IQSEC3: variants seen among roughly 807,000 people sequenced by gnomAD.
IQSEC3 encodes IQ motif and SEC7 domain-containing protein 3.
In IQSEC3, 50 loss-of-function variants were observed where a neutral mutation model predicts 105.4. The observed-to-expected ratio is 0.47, with a 90% CI of 0.38 to 0.60. The LOEUF is 0.60. Ranked by LOEUF, IQSEC3 falls within the 20% of genes least tolerant of loss-of-function variation. The probability of loss-of-function intolerance (pLI) is 0.00; values close to 1 mark genes in which losing one functional copy is unlikely to be tolerated. For synonymous variants in IQSEC3, 708 were observed against 746.0 expected, an observed-to-expected ratio of 0.95 and a Z score of 0.83; for missense variants, 1,415 against 1,630.0, an observed-to-expected ratio of 0.87 and a Z score of 2.27.
At chr12:108,303 G>C (rs1205680824) in intron 2 of IQSEC3, among the ~76,000 whole-genome samples, 1 of 152,182 alleles carries the variant, frequency 6.6e-6, no homozygotes, top group Non-Finnish European at 1.5e-5. Context: ...CTACTCCATA[G>C]GCATATCTGG....
chr12:162,930 A>T (rs927304302), intron 8 of IQSEC3, among the ~76,000 whole-genome samples: 2 of 152,180 alleles, frequency 1.3e-5, no homozygotes, highest in Non-Finnish European at 1.5e-5. Context: ...GCTGGACTGG[A>T]ACAGCCTGCA....
At chr12:76,071 G>A (rs1555068959) in intron 1 of IQSEC3, among the ~76,000 whole-genome samples, 1 of 149,374 alleles carries the variant, frequency 6.7e-6, no homozygotes, top group African/African-American at 2.5e-5. Flanking sequence ...ACAAATCTCT[G>A]CAGTGAGAGT....
chr12:145,327 G>A (rs1246865503), intron 5 of IQSEC3, among the ~76,000 whole-genome samples: 1 of 152,100 alleles, frequency 6.6e-6, no homozygotes, highest in Admixed American at 6.6e-5. Context: ...AGGGCTACTG[G>A]GCAGTGGCAT....
At chr12:120,646 G>T (rs556988381) in intron 2 of IQSEC3, among the ~76,000 whole-genome samples, 1 of 152,270 alleles carries the variant, frequency 6.6e-6, no homozygotes, top group East Asian at 1.9e-4. Flanking sequence ...ATGTTGTTCT[G>T]TTCCAACACA....
At chr12:143,480 CCAT>C (rs1485130143) in intron 5 of IQSEC3, 1 of 152,954 alleles carries the variant, frequency 6.5e-6, no homozygotes, top group Non-Finnish European at 1.5e-5. Context: ...ACCACCTTTC[CCAT>C]CTCTTAGTGC....
chr12:125,327 C>T lies in IQSEC3; in HGVS notation c.624-306C>T, dbSNP rs78999199. ...GTGACCTGCTCAGGGTCACACAGCT[C>T]GTAAGAGGCAGAGCCCAGATGCACC... is the stretch of plus-strand genomic sequence containing the variant. On this transcript the variant is annotated intron_variant, in intron 2 of 13. Coordinates refer to ENST00000538872, the MANE Select transcript of IQSEC3 (RefSeq NM_001170738.2). 4.4e-3 allele frequency among the ~76,000 whole-genome samples: 666 copies of T among 152,242 alleles called. 6 individuals carry two copies. The highest frequency in any genetic ancestry group is 0.014 in the African/African-American group (599 of 41,530).
chr12:98,943 G>A (rs188112030), intron 1 of IQSEC3, among the ~76,000 whole-genome samples: 1 of 152,312 alleles, frequency 6.6e-6, no homozygotes, highest in Admixed American at 6.5e-5. Flanking sequence ...AGCCTAATGG[G>A]TGATTTAAGA....
At position 83,954 on chromosome 12, in the gene IQSEC3, T is replaced by A. The variant is rs1442377743; in HGVS notation, c.555-15192T>A. On this transcript the variant is annotated intron_variant, in intron 1 of 13. Coordinates refer to ENST00000538872, the MANE Select transcript of IQSEC3 (RefSeq NM_001170738.2). Reference sequence around the variant, plus strand: ...TGGTACTGACGGGAAGATATTACAGTCCCTACTTCACAGAGGCAAACTGAG... The same window carrying A: ...TGGTACTGACGGGAAGATATTACAGACCCTACTTCACAGAGGCAAACTGAG... Among the ~76,000 whole-genome samples, 3 of 152,232 alleles carry A rather than the reference T, an allele frequency of 2.0e-5. No individual in the cohort carries two copies. In the East Asian group the frequency reaches 5.8e-4, roughly 29 times the overall value.
At chr12:73,031 G>A (rs1863382053) in intron 1 of IQSEC3, among the ~76,000 whole-genome samples, 1 of 136,108 alleles carries the variant, frequency 7.3e-6, no homozygotes, top group South Asian at 2.6e-4. Flanking sequence ...GGGTGACAGA[G>A]CGACACTCTG....
At chr12:107,083 A>G (rs2136934046) in intron 2 of IQSEC3, among the ~76,000 whole-genome samples, 1 of 152,334 alleles carries the variant, frequency 6.6e-6, no homozygotes, top group East Asian at 1.9e-4. Context: ...ACAGCTGCCT[A>G]TGAAGAAAGA....
chr12:81,990 T>C (rs1863761560), intron 1 of IQSEC3, among the ~76,000 whole-genome samples: 3 of 152,094 alleles, frequency 2.0e-5, no homozygotes, highest in South Asian at 4.1e-4. Context: ...AAAAGCATAG[T>C]CTTGGGAGTG....
chr12:131,768 G>A (rs1207356811), intron 3 of IQSEC3, among the ~76,000 whole-genome samples: 1 of 152,154 alleles, frequency 6.6e-6, no homozygotes, highest in Admixed American at 6.5e-5. Context: ...TGAGCATTGA[G>A]GGTGGGGAGG....
intron 1 of IQSEC3, among the ~76,000 whole-genome samples, chr12:71,743 T>C (rs1407806981): frequency 2.6e-5 from 4 of 152,264 alleles, no homozygotes; most frequent in African/African-American, 4.8e-5. Flanking sequence ...CACAGGGACT[T>C]TGTCTACCTT....
intron 2 of IQSEC3, among the ~76,000 whole-genome samples, chr12:110,183 G>C (rs1864832423): frequency 6.6e-6 from 1 of 151,792 alleles, no homozygotes; most frequent in African/African-American, 2.4e-5. Context: ...CCCTTTTCCA[G>C]TTTCTCTTTT....
intron 1 of IQSEC3, among the ~76,000 whole-genome samples, chr12:78,811 G>A (rs1182611253): frequency 6.6e-6 from 1 of 152,066 alleles, no homozygotes; most frequent in Non-Finnish European, 1.5e-5. Flanking sequence ...CAGGCAAGCC[G>A]AGTGCCTGGC....
chr12:173,386 G>A (rs1209305336), intron 13 of IQSEC3, among the ~76,000 whole-genome samples: 1 of 152,206 alleles, frequency 6.6e-6, no homozygotes, highest in Non-Finnish European at 1.5e-5. Context: ...AGCCTCGGGA[G>A]GGAAGTTGCC....
chr12:134,533 G>C (rs950088293), intron 3 of IQSEC3, among the ~76,000 whole-genome samples: 1 of 152,240 alleles, frequency 6.6e-6, no homozygotes. Context: ...ACAGCATCTC[G>C]TGCTGCAAAA....
At chr12:153,172 G>A (rs1033329837) in intron 5 of IQSEC3, among the ~76,000 whole-genome samples, 11 of 152,166 alleles carry the variant, frequency 7.2e-5, no homozygotes, top group South Asian at 2.1e-4. Context: ...GTAGAGGGCC[G>A]AGGCTTATAG....
chr12:129,025 T>A (rs875616), intron 3 of IQSEC3, among the ~76,000 whole-genome samples: 77,811 of 152,008 alleles, frequency 0.51, 20,560 homozygotes, highest in African/African-American at 0.64. Flanking sequence ...TCCTGGGGAT[T>A]CTCCTCACCT....
Sources: gnomAD v4.1 joint callset for allele counts (sites outside exome capture counted in the v4.1 genomes callset) on GRCh38, gnomAD v4.1.1 for gene constraint, MANE v1.5 for transcripts, NCBI Gene and HGNC (gene_info 2026-07-23, HGNC 2026-07-21) for gene names.